STARD13: variants seen among roughly 807,000 people sequenced by gnomAD.
STARD13 encodes the protein stAR-related lipid transfer protein 13.
STARD13 carries 62 observed loss-of-function variants against 106.4 expected under a neutral mutation model. The ratio of observed to expected loss-of-function variants is 0.58; its 90% CI spans 0.48 to 0.72. The LOEUF is 0.72. STARD13 is among the 30% of genes least tolerant of loss of function. The probability of loss-of-function intolerance (pLI) is 0.00; values close to 1 mark genes in which losing one functional copy is unlikely to be tolerated. For synonymous variants in STARD13, 565 were observed against 553.0 expected (o/e 1.02, Z -0.31); for missense variants, 1,387 against 1,424.0 (o/e 0.97, Z 0.42).
In STARD13 at chr13:33,342,229, C is replaced by G. The variant is rs575356958; in HGVS notation, c.124+8061G>C. 1.8e-4 allele frequency among the ~76,000 whole-genome samples: 28 copies of G among 152,262 alleles called. 2 individuals are homozygous for G. The East Asian group carries it at 4.8e-3, about 26-fold the overall frequency. On this transcript the variant is annotated intron_variant, in intron 1 of 5. Transcript: ENST00000567873. ...ATGCTATATTGGAAAAATCAATATGCACAGCCTTTCCTAAGAGCTAAGCTT... is the reference window on the plus strand; with the variant it reads ...ATGCTATATTGGAAAAATCAATATGGACAGCCTTTCCTAAGAGCTAAGCTT...
the STARD13 span, among the ~76,000 whole-genome samples, chr13:33,665,942 C>T: frequency 3.9e-5 from 6 of 152,126 alleles, no homozygotes; most frequent in Non-Finnish European, 7.3e-5. Context: ...TTGGGCTGCA[C>T]GTGTCAGTAG....
At chr13:33,218,377 T>C (rs574962164) in intron 1 of STARD13, among the ~76,000 whole-genome samples, 32 of 152,302 alleles carry the variant, frequency 2.1e-4, no homozygotes, top group Non-Finnish European at 3.7e-4. Context: ...ATAAATTGCA[T>C]GCTTTCTGAA....
At chr13:33,477,752 T>C in the STARD13 span, among the ~76,000 whole-genome samples, 2 of 152,288 alleles carry the variant, frequency 1.3e-5, no homozygotes, top group Non-Finnish European at 1.5e-5. Flanking sequence ...TCCCCATGAC[T>C]GAGAAATGAG....
At chr13:33,319,282 T>C (rs1893460937) in intron 1 of STARD13, among the ~76,000 whole-genome samples, 1 of 152,168 alleles carries the variant, frequency 6.6e-6, no homozygotes, top group Non-Finnish European at 1.5e-5. Flanking sequence ...AAGTGAAAGA[T>C]GCCAGACACC....
chr13:33,121,204 C>T (rs1876235906), intron 7 of STARD13, among the ~76,000 whole-genome samples: 1 of 152,216 alleles, frequency 6.6e-6, no homozygotes, highest in African/African-American at 2.4e-5. Flanking sequence ...AGAAGAAGAG[C>T]TTCCCCTCTC....
the STARD13 span, among the ~76,000 whole-genome samples, chr13:33,424,166 A>G: frequency 6.6e-6 from 1 of 152,160 alleles, no homozygotes; most frequent in African/African-American, 2.4e-5. Flanking sequence ...AAAAAACAAA[A>G]AACAAAAACC....
At chr13:33,261,702 T>C (rs1311731944) in intron 1 of STARD13, among the ~76,000 whole-genome samples, 1 of 152,194 alleles carries the variant, frequency 6.6e-6, no homozygotes, top group East Asian at 1.9e-4. Context: ...TGGCTCATAA[T>C]ACGCAATTCA....
chr13:33,421,685 G>A, the STARD13 span, among the ~76,000 whole-genome samples: 81 of 152,116 alleles, frequency 5.3e-4, 1 homozygote, highest in African/African-American at 1.8e-3. Flanking sequence ...ACATCGATGC[G>A]AAAATCCTCA....
chr13:33,361,556 C>A, the STARD13 span, among the ~76,000 whole-genome samples: 4 of 152,154 alleles, frequency 2.6e-5, no homozygotes, highest in Admixed American at 2.0e-4. Flanking sequence ...AAAGAACTAC[C>A]TGAGACTGGC....
At chr13:33,429,215 T>C in the STARD13 span, among the ~76,000 whole-genome samples, 1 of 152,174 alleles carries the variant, frequency 6.6e-6, no homozygotes, top group Non-Finnish European at 1.5e-5. Flanking sequence ...CAAAGAGATA[T>C]ATGCATTCCT....
At chr13:33,239,141 G>A (rs1594149297) in intron 1 of STARD13, among the ~76,000 whole-genome samples, 1 of 152,016 alleles carries the variant, frequency 6.6e-6, no homozygotes, top group East Asian at 1.9e-4. Flanking sequence ...GTCTTTTTGT[G>A]ATTGGCTTAT....
chr13:33,294,786 T>C (rs1283606549), intron 1 of STARD13, among the ~76,000 whole-genome samples: 2 of 152,178 alleles, frequency 1.3e-5, no homozygotes, highest in Non-Finnish European at 2.9e-5. Context: ...TATAACCTCC[T>C]CCCATCTTGA....
chr13:33,651,586 T>C, the STARD13 span, among the ~76,000 whole-genome samples: 1 of 150,108 alleles, frequency 6.7e-6, no homozygotes, highest in Non-Finnish European at 1.5e-5. Context: ...GGAGAAAGTG[T>C]CTTTTTAATC....
intron 1 of STARD13, among the ~76,000 whole-genome samples, chr13:33,258,833 G>A (rs1179936296): frequency 6.6e-6 from 1 of 152,196 alleles, no homozygotes; most frequent in Non-Finnish European, 1.5e-5. Flanking sequence ...GCTCTTCCTA[G>A]AACAGACCAT....
At chr13:33,149,007 C>G (rs1243782973) in intron 3 of STARD13, among the ~76,000 whole-genome samples, 1 of 151,996 alleles carries the variant, frequency 6.6e-6, no homozygotes, top group African/African-American at 2.4e-5. Context: ...CTAAAAGAGG[C>G]AAAACTGTGG....
At chr13:33,181,123 C>T (rs9527178) in intron 1 of STARD13, among the ~76,000 whole-genome samples, 58,201 of 151,864 alleles carry the variant, frequency 0.38, 11,252 homozygotes, top group East Asian at 0.5. Flanking sequence ...GGTGCTCTCC[C>T]TTAGCCCAAG....
chr13:33,206,119 A>G, intron 1 of STARD13: 1 of 571,094 alleles, frequency 1.8e-6, no homozygotes, highest in Non-Finnish European at 2.2e-6. Flanking sequence ...GATTTCCTAT[A>G]AATCCTCTTT....
At chr13:33,159,214 T>C (rs1169965576) in intron 3 of STARD13, among the ~76,000 whole-genome samples, 2 of 152,162 alleles carry the variant, frequency 1.3e-5, no homozygotes, top group East Asian at 1.9e-4. Context: ...TGACAGGTCA[T>C]GTGCTCTACA....
rs140525495 is a variant in STARD13, at chr13:33,262,874, G to A, written c.169+22596C>T. On this transcript the variant is annotated intron_variant, in intron 1 of 13. Transcript: ENST00000336934. ...CCAGTGACTTCTGCTTATTAGATGGGTGTGGTGGATGCCCAGAATTCCAGG... is the reference window on the plus strand; with the variant it reads ...CCAGTGACTTCTGCTTATTAGATGGATGTGGTGGATGCCCAGAATTCCAGG... Among the ~76,000 whole-genome samples, 70 of 152,238 alleles carry A rather than the reference G, an allele frequency of 4.6e-4. 1 individual carries two copies. The highest frequency in any genetic ancestry group is 1.6e-3 in the African/African-American group (67 of 41,522).
Sources: allele counts gnomAD v4.1 joint callset (sites outside exome capture counted in the v4.1 genomes callset), GRCh38; gene constraint gnomAD v4.1.1; transcripts MANE v1.5; gene names NCBI Gene and HGNC (gene_info 2026-07-23, HGNC 2026-07-21).